Variants in BBS4 observed in about 807,000 individuals in gnomAD.
BBS4 encodes the protein Bardet-Biedl syndrome 4, also known as BBSome complex member BBS4.
In BBS4, 58 loss-of-function variants were observed where a neutral mutation model predicts 71.4. That is an observed-to-expected ratio of 0.81 (90% CI 0.66 to 1.01). The LOEUF (loss-of-function observed/expected upper bound fraction) is 1.01, where lower values mean the gene tolerates loss of function less well. Ranked by LOEUF, BBS4 falls within the 50% of genes least tolerant of loss-of-function variation. BBS4 has a pLI of 0.00. For synonymous variants in BBS4, 228 were observed against 216.8 expected, an observed-to-expected ratio of 1.05 and a Z score of -0.46; for missense variants, 660 against 607.9, an observed-to-expected ratio of 1.09 and a Z score of -0.90.
At chr15:72,689,778 C>A (rs893608999) in intron 1 of BBS4, among the ~76,000 whole-genome samples, 2 of 142,112 alleles carry the variant, frequency 1.4e-5, no homozygotes, top group South Asian at 2.3e-4. Context: ...GCTTATAAAT[C>A]TTTTTATTTA....
At chr15:72,693,826 T>G (rs1021226127) in intron 1 of BBS4, among the ~76,000 whole-genome samples, 1 of 152,174 alleles carries the variant, frequency 6.6e-6, no homozygotes, top group Non-Finnish European at 1.5e-5. Context: ...TATTGTGATA[T>G]TGTCTTCCAT....
intron 1 of BBS4, among the ~76,000 whole-genome samples, chr15:72,687,279 C>T (rs2150985790): frequency 6.6e-6 from 1 of 151,464 alleles, no homozygotes; most frequent in South Asian, 2.1e-4. Context: ...CCACCACGCC[C>T]GGCCGAAACA....
intron 2 of BBS4, among the ~76,000 whole-genome samples, chr15:72,709,142 C>G (rs537772481): frequency 6.6e-6 from 1 of 152,294 alleles, no homozygotes; most frequent in South Asian, 2.1e-4. Flanking sequence ...AGGCCCCCTC[C>G]CCTTTTGAAA....
chr15:72,735,692 T>C, intron 13 of BBS4, 133 bp from the exon 14 acceptor site: 1 of 1,133,668 alleles, frequency 8.8e-7, no homozygotes. Context: ...TTAGCACGTA[T>C]GTACCTACCT....
chr15:72,714,473 G>A (rs969916487), intron 4 of BBS4, among the ~76,000 whole-genome samples: 1 of 152,114 alleles, frequency 6.6e-6, no homozygotes, highest in Non-Finnish European at 1.5e-5. Context: ...TGATCCACCT[G>A]CCTTGGCCTA....
intron 3 of BBS4, among the ~76,000 whole-genome samples, chr15:72,711,758 G>T (rs1284637553): frequency 2.0e-5 from 3 of 152,164 alleles, no homozygotes; most frequent in Non-Finnish European, 4.4e-5. Flanking sequence ...ATCACAACAA[G>T]GGAGTTGAAA....
chr15:72,732,945 C>CT (rs530514617), intron 12 of BBS4, among the ~76,000 whole-genome samples: 79 of 152,294 alleles, frequency 5.2e-4, no homozygotes, highest in African/African-American at 1.7e-3. Context: ...AGGGCTGTCT[C>CT]TAGGTGTCTG....
At chr15:72,689,780 T>TTTTATTTATTTATTTA (rs57141334) in intron 1 of BBS4, among the ~76,000 whole-genome samples, 125 of 147,652 alleles carry the variant, frequency 8.5e-4, no homozygotes, top group East Asian at 2.6e-3. Flanking sequence ...TTATAAATCT[T>TTTTATTTATTTATTTA]TTTATTTATT....
chr15:72,700,455 T>C (rs1355335507), intron 2 of BBS4, among the ~76,000 whole-genome samples: 2 of 152,254 alleles, frequency 1.3e-5, no homozygotes, highest in Non-Finnish European at 2.9e-5. Context: ...CAACATTTGT[T>C]ACTATCAGTC....
At chr15:72,695,042 C>A in intron 1 of BBS4, 135 bp from the exon 2 acceptor site, 1 of 646,020 alleles carries the variant, frequency 1.5e-6, no homozygotes, top group Non-Finnish European at 2.7e-6. Context: ...TTTAAAGTAA[C>A]TCTATCACAA....
chr15:72,706,756 TTC>T (rs1488303828), intron 2 of BBS4, among the ~76,000 whole-genome samples: 10 of 152,228 alleles, frequency 6.6e-5, no homozygotes, highest in African/African-American at 2.2e-4. Flanking sequence ...TATCCATACT[TTC>T]TGTTATAATT....
In BBS4 at chr15:72,737,791, A is replaced by T; in HGVS notation, c.*204A>T. 6.7e-6 allele frequency: 4 copies of T among 597,330 alleles called. No homozygotes were observed. Among genetic ancestry groups the T allele is most frequent in the Non-Finnish European group, 1.3e-5 (4 of 319,362 alleles). 37.0% of individuals were successfully genotyped at this position (597,330 alleles called of 1,614,324 possible). On this transcript the variant is annotated 3_prime_UTR_variant, in exon 16 of 16. Coordinates refer to ENST00000268057, the MANE Select transcript of BBS4 (RefSeq NM_033028.5). ...GTCGGAAACCCTCTACTGCCCCATA[A>T]GCCAGGAAAAGTGAAAAGAGAACAC...
At chr15:72,687,701 G>A (rs558982685) in intron 1 of BBS4, among the ~76,000 whole-genome samples, 119 of 152,272 alleles carry the variant, frequency 7.8e-4, no homozygotes, top group African/African-American at 2.8e-3. Flanking sequence ...GCTGAGGTGG[G>A]TGGATCGCCT....
chr15:72,706,942 A>G (rs1236642554), intron 2 of BBS4, among the ~76,000 whole-genome samples: 1 of 151,986 alleles, frequency 6.6e-6, no homozygotes, highest in African/African-American at 2.4e-5. Flanking sequence ...CAGCCTCCCA[A>G]AGCGCTGGGA....
intron 9 of BBS4, among the ~76,000 whole-genome samples, chr15:72,729,186 T>TTA (rs1555501306): frequency 6.2e-4 from 38 of 61,668 alleles, no homozygotes; most frequent in South Asian, 8.7e-4. Context: ...TTTTTTTTTT[T>TTA]AAAGTCAAGA....
In BBS4 at chr15:72,709,706, A is replaced by G. The variant is rs1567410420; in HGVS notation, c.83A>G (p.Glu28Gly). The change falls in exon 3 of 16, where the codon GAG becomes GGG. Residue 28 changes from glutamate (E) to glycine (G), a missense_variant. Transcript: ENST00000268057. ...GTCAAAATATGCTGCCTAGCTCCAG[A>G]GTTTCCTATTTTGGAGAAGCAGAAC... ...SQKPRQKKAPEFPILEKQNWL... is the reference protein window; with the variant it reads ...SQKPRQKKAPGFPILEKQNWL... 1.2e-6 allele frequency: 2 copies of G among 1,611,822 alleles called. No homozygotes were observed. The highest frequency in any genetic ancestry group is 4.5e-5 in the East Asian group (2 of 44,854).
At chr15:72,733,125 A>G (rs1343488091) in intron 12 of BBS4, among the ~76,000 whole-genome samples, 1 of 152,164 alleles carries the variant, frequency 6.6e-6, no homozygotes. Flanking sequence ...CAGTCTCCCC[A>G]GGGTCAGTAA....
intron 10 of BBS4, 92 bp downstream of exon 10, chr15:72,729,776 T>C: frequency 9.2e-7 from 1 of 1,085,904 alleles, no homozygotes; most frequent in Non-Finnish European, 1.4e-6. Flanking sequence ...GAATAGCTTC[T>C]TAAATTTGGA....
chr15:72,725,835 C>T (rs1323643531), intron 8 of BBS4, among the ~76,000 whole-genome samples: 1 of 7,888 alleles, frequency 1.3e-4, no homozygotes, highest in African/African-American at 4.1e-4. Context: ...TTCCCCATCC[C>T]CCTTTCCCCA....
Sources: gnomAD v4.1 joint callset for allele counts (sites outside exome capture counted in the v4.1 genomes callset) on GRCh38, gnomAD v4.1.1 for gene constraint, MANE v1.5 for transcripts, NCBI Gene and HGNC (gene_info 2026-07-23, HGNC 2026-07-21) for gene names.